The following DDX10 variants were observed in gnomAD, a reference collection of about 807,000 sequenced individuals.
DDX10 encodes probable ATP-dependent RNA helicase DDX10.
DDX10 carries 74 observed loss-of-function variants against 104.3 expected under a neutral mutation model. The observed-to-expected ratio is 0.71, with a 90% CI of 0.59 to 0.86. The LOEUF (loss-of-function observed/expected upper bound fraction) is 0.86. Among genes scored for constraint, DDX10 ranks in the 40% least tolerant of loss-of-function variants. DDX10 has a pLI of 0.00. For missense variants in DDX10, 952 were observed against 1,040.0 expected (o/e 0.92, Z 1.16); for synonymous variants, 351 against 353.4 (o/e 0.99, Z 0.08).
intron 13 of DDX10, among the ~76,000 whole-genome samples, chr11:108,813,056 C>G (rs1862206719): frequency 6.8e-6 from 1 of 147,704 alleles, no homozygotes; most frequent in Non-Finnish European, 1.5e-5. Flanking sequence ...GTACAGAATT[C>G]ATGATGCATG....
At chr11:108,905,312 A>AGGGG (rs35966996) in intron 16 of DDX10, among the ~76,000 whole-genome samples, 45 of 106,674 alleles carry the variant, frequency 4.2e-4, no homozygotes, top group African/African-American at 1.5e-3. Context: ...AGATTGTTTA[A>AGGGG]GGGGGGGGGG....
chr11:108,815,540 A>G (rs185675799), intron 13 of DDX10, among the ~76,000 whole-genome samples: 5 of 152,346 alleles, frequency 3.3e-5, no homozygotes, highest in African/African-American at 9.6e-5. Flanking sequence ...AGTCAAAACC[A>G]TATTGTTCAA....
In DDX10 at chr11:108,810,408, A is replaced by G. The variant is rs1436497366; in HGVS notation, c.1966-28038A>G. On this transcript the variant is annotated intron_variant, in intron 13 of 17. Coordinates refer to ENST00000322536, the MANE Select transcript of DDX10 (RefSeq NM_004398.4). ...ATGTTTCATGAGAGCAGTGATGACA[A>G]TCTGTGTGGAGAAGAATAGGAGATG... Among the ~76,000 whole-genome samples, 9 of 152,038 alleles carry G rather than the reference A, an allele frequency of 5.9e-5. No homozygotes were observed. In the South Asian group the frequency reaches 1.0e-3, roughly 18 times the overall value.
At chr11:108,686,729 G>C (rs73001775) in intron 6 of DDX10, among the ~76,000 whole-genome samples, 2 of 152,098 alleles carry the variant, frequency 1.3e-5, no homozygotes, top group Admixed American at 1.3e-4. Context: ...TTGTGTGGAC[G>C]TATGTTTTCA....
Position 108,773,151 on chromosome 11 carries a change from T to C in DDX10, c.1965+49689T>C, listed in dbSNP as rs563449302. Reference sequence around the variant, plus strand: ...GCAGAGTTCCTTTTATTAATACATATGATATTTGTTGAATTAGAGCTTGTT... The same window carrying C: ...GCAGAGTTCCTTTTATTAATACATACGATATTTGTTGAATTAGAGCTTGTT... On this transcript the variant is annotated intron_variant, in intron 13 of 17. Coordinates refer to ENST00000322536, the MANE Select transcript of DDX10 (RefSeq NM_004398.4). 7.2e-5 allele frequency among the ~76,000 whole-genome samples: 11 copies of C among 152,332 alleles called. No individual in the cohort carries two copies. The South Asian group carries it at 2.1e-3, about 29-fold the overall frequency.
intron 9 of DDX10, among the ~76,000 whole-genome samples, chr11:108,702,853 G>A (rs1013507636): frequency 6.6e-6 from 1 of 152,136 alleles, no homozygotes; most frequent in African/African-American, 2.4e-5. Flanking sequence ...GCTGATTTTA[G>A]GCCAACCTCT....
intron 15 of DDX10, among the ~76,000 whole-genome samples, 162 bp from the exon 16 acceptor site, chr11:108,851,991 C>G (rs540081630): frequency 6.6e-6 from 1 of 152,234 alleles, no homozygotes; most frequent in East Asian, 1.9e-4. Context: ...CTTAATGATT[C>G]ATGAATACTT....
chr11:108,681,137 C>T (rs1038150184), intron 6 of DDX10, among the ~76,000 whole-genome samples: 4 of 152,040 alleles, frequency 2.6e-5, no homozygotes, highest in Non-Finnish European at 4.4e-5. Context: ...TTTTTTTAAT[C>T]ATTAGATGTC....
At chr11:108,926,791 T>C (rs1466296601) in intron 17 of DDX10, among the ~76,000 whole-genome samples, 2 of 152,170 alleles carry the variant, frequency 1.3e-5, no homozygotes, top group Non-Finnish European at 2.9e-5. Context: ...GCACAACATA[T>C]TTGAATACCA....
chr11:108,817,064 G>A (rs1005009013), intron 13 of DDX10, among the ~76,000 whole-genome samples: 1 of 152,174 alleles, frequency 6.6e-6, no homozygotes, highest in Admixed American at 6.5e-5. Context: ...CTTAGGAACT[G>A]AACTCTTGTT....
chr11:108,835,668 G>C (rs1862545166), intron 13 of DDX10, among the ~76,000 whole-genome samples: 1 of 152,194 alleles, frequency 6.6e-6, no homozygotes. Context: ...AAAGTTTTCT[G>C]GGTTTTAAGT....
chr11:108,675,828 A>C, intron 3 of DDX10, 102 bp downstream of exon 3: 4 of 1,423,238 alleles, frequency 2.8e-6, no homozygotes, highest in Admixed American at 2.0e-5. Flanking sequence ...GTTAGATTTC[A>C]TGATAGATTG....
intron 13 of DDX10, among the ~76,000 whole-genome samples, chr11:108,783,297 G>A (rs1861736837): frequency 6.6e-6 from 1 of 152,130 alleles, no homozygotes; most frequent in African/African-American, 2.4e-5. Flanking sequence ...GACTTAAAAT[G>A]GGCCATTAGT....
intron 13 of DDX10, among the ~76,000 whole-genome samples, chr11:108,737,457 A>G (rs866453514): frequency 9.8e-5 from 15 of 152,342 alleles, no homozygotes; most frequent in South Asian, 8.3e-4. Context: ...TTTATTTGGC[A>G]TAACAAATGA....
At chr11:108,817,266 G>C (rs1862268337) in intron 13 of DDX10, among the ~76,000 whole-genome samples, 1 of 152,074 alleles carries the variant, frequency 6.6e-6, no homozygotes, top group Admixed American at 6.6e-5. Flanking sequence ...GAATCTTCTT[G>C]TGTGACTTTT....
chr11:108,745,932 AATTTAGTC>A (rs1334335539), intron 13 of DDX10, among the ~76,000 whole-genome samples: 1 of 152,112 alleles, frequency 6.6e-6, no homozygotes, highest in African/African-American at 2.4e-5. Context: ...TCTATCATAC[AATTTAGTC>A]ATTTAAAGTA....
intron 15 of DDX10, among the ~76,000 whole-genome samples, chr11:108,847,433 TGA>T (rs1337767887): frequency 2.0e-5 from 3 of 152,194 alleles, no homozygotes; most frequent in African/African-American, 7.2e-5. Context: ...TTCATTCCCT[TGA>T]AATTCGAGTG....
chr11:108,831,162 T>A (rs896447314), intron 13 of DDX10, among the ~76,000 whole-genome samples: 29 of 152,112 alleles, frequency 1.9e-4, no homozygotes, highest in African/African-American at 6.3e-4. Flanking sequence ...TCCCAGCACT[T>A]TGGGAGTCTG....
At chr11:108,773,671 C>T (rs1565274134) in intron 13 of DDX10, among the ~76,000 whole-genome samples, 1 of 151,838 alleles carries the variant, frequency 6.6e-6, no homozygotes, top group African/African-American at 2.4e-5. Context: ...ATATTGATTT[C>T]CACAGATACT....
Sources: gnomAD v4.1 joint callset for allele counts (sites outside exome capture counted in the v4.1 genomes callset) on GRCh38, gnomAD v4.1.1 for gene constraint, MANE v1.5 for transcripts, NCBI Gene and HGNC (gene_info 2026-07-23, HGNC 2026-07-21) for gene names.